TTC17: variants seen among roughly 807,000 people sequenced by gnomAD.
TTC17 encodes the protein tetratricopeptide repeat protein 17.
Under a neutral mutation model 143.8 loss-of-function variants are expected in TTC17, and 58 were observed. The ratio of observed to expected loss-of-function variants is 0.40; its 90% CI spans 0.33 to 0.50. TTC17 has a LOEUF of 0.50. Among genes scored for constraint, TTC17 ranks in the 20% least tolerant of loss-of-function variants. The pLI, the probability that TTC17 is intolerant of heterozygous loss-of-function variation, is 0.49. For synonymous variants in TTC17, 501 were observed against 497.8 expected, an observed-to-expected ratio of 1.01 and a Z score of -0.09; for missense variants, 1,273 against 1,392.5, an observed-to-expected ratio of 0.91 and a Z score of 1.37.
chr11:43,392,199 T>C (rs150884458), intron 5 of TTC17, among the ~76,000 whole-genome samples: 1 of 152,330 alleles, frequency 6.6e-6, no homozygotes, highest in African/African-American at 2.4e-5. Flanking sequence ...AAATATAAAC[T>C]GACATAAGCA....
chr11:43,441,943 G>A (rs1947430905), intron 16 of TTC17, among the ~76,000 whole-genome samples: 1 of 152,134 alleles, frequency 6.6e-6, no homozygotes, highest in South Asian at 2.1e-4. Flanking sequence ...CTTAACGACA[G>A]GGATATGTTC....
At position 43,493,779 on chromosome 11, in the gene TTC17, T is replaced by C. The variant is rs1206265919; in HGVS notation, c.3301T>C (p.Phe1101Leu). 6.2e-7 allele frequency: 1 copy of C among 1,613,992 alleles called. No homozygotes were observed. Among genetic ancestry groups the C allele is most frequent in the Non-Finnish European group, 8.5e-7 (1 of 1,179,936 alleles). Reference protein sequence around the residue: ...LGNVYVAMEEFEKALVWYEST... With the variant: ...LGNVYVAMEELEKALVWYEST... ...CTCTCCTTGGCCCTCACAGGAAGAATTTGAAAAAGCACTGGTGTGGTATGA... is the reference window on the plus strand; with the variant it reads ...CTCTCCTTGGCCCTCACAGGAAGAACTTGAAAAAGCACTGGTGTGGTATGA... The change falls in exon 24 of 24, where the codon TTT becomes CTT. Residue 1101 changes from phenylalanine (F) to leucine (L), a missense_variant. This residue lies in a region of TTC17 where 878 missense variants were observed against 899.8 expected (regional missense o/e 0.98). Coordinates refer to ENST00000039989, the MANE Select transcript of TTC17 (RefSeq NM_018259.6).
Position 43,471,948 on chromosome 11 carries a change from G to A in TTC17, c.3031-18291G>A, listed in dbSNP as rs371474997. Among the ~76,000 whole-genome samples, 57 of 152,240 alleles carry A rather than the reference G, an allele frequency of 3.7e-4. No homozygotes were observed. In the Middle Eastern group the frequency reaches 0.01, roughly 27 times the overall value. On this transcript the variant is annotated intron_variant, in intron 21 of 23. Coordinates refer to ENST00000039989, the MANE Select transcript of TTC17 (RefSeq NM_018259.6). ...TCAGTAAGCAGAATAAATATAAAAG[G>A]ACTAAGTACTTCAGGTACTGGAGTA... is the stretch of plus-strand genomic sequence containing the variant.
intron 7 of TTC17, 91 bp from the exon 8 acceptor site, chr11:43,397,883 G>A (rs964016323): frequency 1.3e-6 from 2 of 1,529,534 alleles, no homozygotes; most frequent in Admixed American, 1.8e-5. Flanking sequence ...ACCAGGCCGT[G>A]GCTAACATTT....
intron 2 of TTC17, among the ~76,000 whole-genome samples, chr11:43,384,415 G>A (rs1857096405): frequency 6.6e-6 from 1 of 152,214 alleles, no homozygotes; most frequent in South Asian, 2.1e-4. Context: ...CAGCACTCTG[G>A]GGGGTCGAGG....
intron 13 of TTC17, among the ~76,000 whole-genome samples, chr11:43,406,299 A>C (rs1858128640): frequency 6.6e-6 from 1 of 152,198 alleles, no homozygotes; most frequent in African/African-American, 2.4e-5. Flanking sequence ...GGCCTCCAGA[A>C]GTGTATATAA....
intron 1 of TTC17, among the ~76,000 whole-genome samples, chr11:43,361,795 A>G (rs897388455): frequency 1.3e-5 from 2 of 152,192 alleles, no homozygotes; most frequent in Non-Finnish European, 2.9e-5. Context: ...GTGACCTACT[A>G]CCAGGCAAAG....
chr11:43,393,079 A>T (rs368895528), intron 5 of TTC17, among the ~76,000 whole-genome samples: 16 of 152,258 alleles, frequency 1.1e-4, no homozygotes, highest in African/African-American at 3.4e-4. Context: ...CACTTCTGAC[A>T]CCAAATGTAT....
intron 20 of TTC17, 67 bp from the exon 21 acceptor site, chr11:43,451,115 A>G: frequency 6.7e-7 from 1 of 1,489,482 alleles, no homozygotes; most frequent in Non-Finnish European, 9.3e-7. Flanking sequence ...CCAACTCAGC[A>G]TTAGCAGTAT....
intron 2 of TTC17, among the ~76,000 whole-genome samples, chr11:43,379,873 A>G (rs1299443186): frequency 2.6e-5 from 4 of 152,148 alleles, no homozygotes; most frequent in Admixed American, 6.5e-5. Context: ...CCTTTTCTCT[A>G]ACATATTTCC....
At chr11:43,371,257 T>C (rs1302864302) in intron 1 of TTC17, among the ~76,000 whole-genome samples, 1 of 152,154 alleles carries the variant, frequency 6.6e-6, no homozygotes, top group Non-Finnish European at 1.5e-5. Flanking sequence ...AGTTCTGACA[T>C]TGTCTACCTG....
At chr11:43,377,735 AT>A in intron 1 of TTC17, among the ~76,000 whole-genome samples, 1 of 152,194 alleles carries the variant, frequency 6.6e-6, no homozygotes, top group East Asian at 1.9e-4. Context: ...GATCCATGCT[AT>A]GGAAATATTA....
intron 1 of TTC17, among the ~76,000 whole-genome samples, chr11:43,364,295 G>A (rs182481997): frequency 9.6e-4 from 146 of 152,116 alleles, no homozygotes; most frequent in Non-Finnish European, 1.8e-3. Flanking sequence ...GGCCTCAAGC[G>A]ATCCTCCTGC....
At position 43,388,788 on chromosome 11, in the gene TTC17, A is replaced by G. The variant is rs1473580169; in HGVS notation, c.250-864A>G. Among the ~76,000 whole-genome samples, 9 of 151,882 alleles carry G rather than the reference A, an allele frequency of 5.9e-5. No individual in the cohort carries two copies. The East Asian group carries it at 1.5e-3, about 26-fold the overall frequency. ...CAGGAGTTTGAGACCAGCCTGGGCA[A>G]CATGGTAAAACCCCATCTGTATGGA... On this transcript the variant is annotated intron_variant, in intron 2 of 23. Transcript: ENST00000039989.
chr11:43,393,906 C>G lies in TTC17; in HGVS notation c.663+1954C>G, dbSNP rs577307991. 2.7e-3 allele frequency among the ~76,000 whole-genome samples: 417 copies of G among 152,314 alleles called. 1 individual carries two copies. The highest frequency in any genetic ancestry group is 4.6e-3 in the Non-Finnish European group (314 of 68,014). On this transcript the variant is annotated intron_variant, in intron 5 of 23. Coordinates refer to ENST00000039989, the MANE Select transcript of TTC17 (RefSeq NM_018259.6). ...GATCAAGGTCCCAGTGATTTGGTTC[C>G]TGGTGAGGGCTCTCTTCCTGCCTTG...
intron 1 of TTC17, among the ~76,000 whole-genome samples, chr11:43,370,665 T>A (rs1282676670): frequency 6.6e-6 from 1 of 151,692 alleles, no homozygotes; most frequent in Non-Finnish European, 1.5e-5. Context: ...ATTTAAATAA[T>A]ACATGTTCAC....
intron 1 of TTC17, among the ~76,000 whole-genome samples, chr11:43,377,573 C>T (rs1856809008): frequency 6.6e-6 from 1 of 152,112 alleles, no homozygotes; most frequent in South Asian, 2.1e-4. Flanking sequence ...AAGATCTTTG[C>T]CATTTGCTGT....
intron 15 of TTC17, among the ~76,000 whole-genome samples, chr11:43,409,890 G>C (rs1189281369): frequency 6.7e-6 from 1 of 149,932 alleles, no homozygotes; most frequent in Admixed American, 6.7e-5. Flanking sequence ...CACCCAGGCT[G>C]TAGTGCAGTG....
intron 21 of TTC17, among the ~76,000 whole-genome samples, chr11:43,458,619 C>G (rs1021387480): frequency 6.6e-6 from 1 of 152,092 alleles, no homozygotes; most frequent in Non-Finnish European, 1.5e-5. Context: ...TGCTTAAATT[C>G]CTCCGACATG....
Sources: gnomAD v4.1 joint callset for allele counts (sites outside exome capture counted in the v4.1 genomes callset) on GRCh38, gnomAD v4.1.1 for gene constraint, gnomAD v4.1.1 regional missense constraint, MANE v1.5 for transcripts, NCBI Gene and HGNC (gene_info 2026-07-23, HGNC 2026-07-21) for gene names.